CRISPLD1: variants seen among roughly 807,000 people sequenced by gnomAD.
CRISPLD1 encodes the protein cysteine-rich secretory protein LCCL domain-containing 1.
A neutral mutation model predicts 77.5 loss-of-function variants in CRISPLD1; 60 were observed. The ratio of observed to expected loss-of-function variants is 0.77; its 90% CI spans 0.63 to 0.96. The LOEUF is 0.96. Among genes scored for constraint, CRISPLD1 ranks in the 40% least tolerant of loss-of-function variants. CRISPLD1 has a pLI of 0.00. For synonymous variants in CRISPLD1, 195 were observed against 200.1 expected, an observed-to-expected ratio of 0.97 and a Z score of 0.22; for missense variants, 623 against 615.8, an observed-to-expected ratio of 1.01 and a Z score of -0.12.
chr8:75,002,134 G>A (rs989214035), intron 2 of CRISPLD1, among the ~76,000 whole-genome samples: 1 of 151,800 alleles, frequency 6.6e-6, no homozygotes, highest in African/African-American at 2.4e-5. Flanking sequence ...CCTTTGTTTT[G>A]TAATTCATGT....
At chr8:74,993,192 A>G (rs1812599319) in intron 2 of CRISPLD1, among the ~76,000 whole-genome samples, 3 of 152,272 alleles carry the variant, frequency 2.0e-5, no homozygotes, top group African/African-American at 2.4e-5. Context: ...CCAGGAATTG[A>G]TTGCAATGAA....
chr8:75,032,185 TTG>T lies in CRISPLD1; in HGVS notation c.1452-5_1452-4del. ...TATACTTTTCATATATTTTTTTTTT[TTG>T]CAGTTTACAGAATCCTCCAGGAGGA... is the stretch of plus-strand genomic sequence containing the variant. On this transcript the variant is annotated splice_region_variant and splice_polypyrimidine_tract_variant and intron_variant, in intron 14 of 14. Transcript: ENST00000262207. 1 of 1,596,052 alleles carries T rather than the reference TTG, an allele frequency of 6.3e-7. No individual in the cohort carries two copies.
At position 75,017,415 on chromosome 8, in the gene CRISPLD1, C is replaced by T. The variant is rs150474883; in HGVS notation, c.1092C>T (p.Phe364=). 2 of 1,609,970 alleles carry T rather than the reference C, an allele frequency of 1.2e-6. No homozygotes were observed. Among genetic ancestry groups the T allele is most frequent in the African/African-American group, 1.3e-5 (1 of 74,800 alleles). The part of the protein sequence containing the change: ...DITRQGRKHY[F]IKSNRNGIQT... ...CTAGACAAGGAAGAAAGCATTATTTCATCAAGTCCAATAGAAATGGTATTC... is the reference window on the plus strand; with the variant it reads ...CTAGACAAGGAAGAAAGCATTATTTTATCAAGTCCAATAGAAATGGTATTC... The change falls in exon 10 of 15, where the codon TTC becomes TTT. Residue 364 remains phenylalanine (F), a synonymous_variant. Transcript: ENST00000262207.
intron 2 of CRISPLD1, among the ~76,000 whole-genome samples, chr8:75,011,809 C>A (rs1812936247): frequency 6.6e-6 from 1 of 152,038 alleles, no homozygotes; most frequent in African/African-American, 2.4e-5. Flanking sequence ...CCAAAGATAG[C>A]AGCAGCACTG....
At chr8:75,015,410 A>C (rs1813010798) in intron 6 of CRISPLD1, among the ~76,000 whole-genome samples, 1 of 152,186 alleles carries the variant, frequency 6.6e-6, no homozygotes, top group East Asian at 1.9e-4. Context: ...AGAAAAGTAT[A>C]ATAGTAACAT....
chr8:75,028,963 A>T (rs1043733517), intron 13 of CRISPLD1, among the ~76,000 whole-genome samples: 1 of 152,196 alleles, frequency 6.6e-6, no homozygotes. Context: ...GTGAACATAC[A>T]TGAGGGATGA....
At chr8:75,026,373 A>T (rs1448913131) in intron 13 of CRISPLD1, 1 of 152,364 alleles carries the variant, frequency 6.6e-6, no homozygotes, top group African/African-American at 2.4e-5. Context: ...CCAGGTTTTT[A>T]GTGTTGGTTG....
rs773150026 is a variant in CRISPLD1, at chr8:75,012,968, C to T, written c.456C>T (p.Cys152=). ...KDFSYPYEHE[C]NPYCPFRCSG... ...TTAGCTACCCATATGAACATGAATGCAACCCATATTGTCCATTCAGGTGTT... is the reference window on the plus strand; with the variant it reads ...TTAGCTACCCATATGAACATGAATGTAACCCATATTGTCCATTCAGGTGTT... Residue 152 remains cysteine (C), a synonymous_variant, in exon 4 of 15, where the codon TGC becomes TGT. Coordinates refer to ENST00000262207, the MANE Select transcript of CRISPLD1 (RefSeq NM_031461.6). 42 of 1,612,742 alleles carry T rather than the reference C, an allele frequency of 2.6e-5. 1 individual carries two copies. In the Admixed American group the frequency reaches 6.8e-4, roughly 26 times the overall value.
chr8:74,985,141 C>G (rs925715247), intron 1 of CRISPLD1, among the ~76,000 whole-genome samples: 25 of 152,156 alleles, frequency 1.6e-4, no homozygotes, highest in African/African-American at 6.0e-4. Flanking sequence ...CTTTCTCTGT[C>G]GCGCGCTTTC....
At chr8:74,986,448 C>G (rs1297679930) in intron 2 of CRISPLD1, among the ~76,000 whole-genome samples, 1 of 152,080 alleles carries the variant, frequency 6.6e-6, no homozygotes, top group Non-Finnish European at 1.5e-5. Context: ...GACGAAATGC[C>G]TTTAGATGCA....
In CRISPLD1 at chr8:74,986,220, C is replaced by T. The variant is rs547219812; in HGVS notation, c.233C>T (p.Pro78Leu). The change falls in exon 2 of 15, where the codon CCA becomes CTA. Residue 78 changes from proline (P) to leucine (L), a missense_variant. Physicochemically the swap from Pro to Leu is moderately conservative, Grantham distance 98. Coordinates refer to ENST00000262207, the MANE Select transcript of CRISPLD1 (RefSeq NM_031461.6). Reference sequence around the variant, plus strand: ...AATAAATTACGAAGTCAGGTGTATCCAACAGCCTCTAATATGGAGTATATG... The same window carrying T: ...AATAAATTACGAAGTCAGGTGTATCTAACAGCCTCTAATATGGAGTATATG... Reference protein sequence around the residue: ...LHNKLRSQVYPTASNMEYMTW... With the variant: ...LHNKLRSQVYLTASNMEYMTW... 4 of 1,613,986 alleles carry T rather than the reference C, an allele frequency of 2.5e-6. No homozygotes were observed. In the Admixed American group the frequency reaches 6.7e-5, roughly 27 times the overall value.
intron 14 of CRISPLD1, among the ~76,000 whole-genome samples, chr8:75,031,826 G>GA (rs1813353482): frequency 6.6e-6 from 1 of 151,916 alleles, no homozygotes; most frequent in Admixed American, 6.6e-5. Flanking sequence ...TTGTAAATCT[G>GA]AGTCTCAGTA....
chr8:74,985,451 C>G lies in CRISPLD1; in HGVS notation c.-62-475C>G, dbSNP rs559947828. On this transcript the variant is annotated intron_variant, in intron 1 of 14. Transcript: ENST00000262207. The stretch of plus-strand genomic sequence containing the variant: ...TCAATTTTAGAATGCTGTGGACATT[C>G]TGAGTGTGAAACAGAGATGGGCCAC... 5.9e-5 allele frequency among the ~76,000 whole-genome samples: 9 copies of G among 152,256 alleles called. No individual in the cohort carries two copies. The South Asian group carries it at 1.9e-3, about 32-fold the overall frequency.
Position 75,020,027 on chromosome 8 carries a change from A to G in CRISPLD1, c.1192A>G (p.Thr398Ala). Residue 398 changes from threonine (T) to alanine (A), a missense_variant, in exon 12 of 15, where the codon ACA (threonine) becomes GCA (alanine). Coordinates refer to ENST00000262207, the MANE Select transcript of CRISPLD1 (RefSeq NM_031461.6). ...TTCAGTTCAGGCTGTGACTTGTGAA[A>G]CAACTGTGGAACAGCTCTGTCCATT... ...KVTVQAVTCE[T>A]TVEQLCPFHK... is the part of the protein sequence containing the mutation. The G allele has an allele frequency of 6.2e-7, 1 of 1,614,122 alleles. No homozygotes were observed. Among genetic ancestry groups the G allele is most frequent in the Non-Finnish European group, 8.5e-7 (1 of 1,180,006 alleles).
At chr8:75,016,984 A>G (rs772043824) in intron 8 of CRISPLD1, 43 bp downstream of exon 8, 22 of 1,524,010 alleles carry the variant, frequency 1.4e-5, no homozygotes, top group African/African-American at 2.8e-5. Flanking sequence ...AATATAATAA[A>G]TATTTTTATT....
chr8:74,991,579 G>A (rs1812573880), intron 2 of CRISPLD1, among the ~76,000 whole-genome samples: 1 of 152,182 alleles, frequency 6.6e-6, no homozygotes, highest in Non-Finnish European at 1.5e-5. Flanking sequence ...GTGCTGGGCT[G>A]GAGCGCAATG....
intron 2 of CRISPLD1, among the ~76,000 whole-genome samples, chr8:74,998,257 A>T (rs1197147502): frequency 6.6e-6 from 1 of 152,176 alleles, no homozygotes; most frequent in African/African-American, 2.4e-5. Context: ...GAGGGCAGGA[A>T]AGAAGGGGGT....
chr8:75,008,439 C>A (rs146467876), intron 2 of CRISPLD1, among the ~76,000 whole-genome samples: 2 of 152,110 alleles, frequency 1.3e-5, no homozygotes, highest in Admixed American at 6.6e-5. Flanking sequence ...AGTTTTAAAA[C>A]GTGAAATAAT....
chr8:75,017,245 T>G, intron 9 of CRISPLD1, 75 bp from the exon 10 acceptor site: 2 of 1,561,028 alleles, frequency 1.3e-6, no homozygotes, highest in South Asian at 2.3e-5. Context: ...GAAAGTCACA[T>G]AAGTGGTAAA....
Sources: allele counts gnomAD v4.1 joint callset (sites outside exome capture counted in the v4.1 genomes callset), GRCh38; gene constraint gnomAD v4.1.1; transcripts MANE v1.5; gene names NCBI Gene and HGNC (gene_info 2026-07-23, HGNC 2026-07-21).